The following POMGNT1 variants were observed in gnomAD, a reference collection of about 807,000 sequenced individuals.
POMGNT1 encodes protein O-linked mannose N-acetylglucosaminyltransferase 1 (beta 1,2-).
A neutral mutation model predicts 95.6 loss-of-function variants in POMGNT1; 67 were observed. That is an observed-to-expected ratio of 0.70 (90% CI 0.58 to 0.86). The LOEUF (loss-of-function observed/expected upper bound fraction) is 0.86. Ranked by LOEUF, POMGNT1 falls within the 40% of genes least tolerant of loss-of-function variation. The pLI, the probability that POMGNT1 is intolerant of heterozygous loss-of-function variation, is 0.00. For synonymous variants in POMGNT1, 298 were observed against 317.9 expected, an observed-to-expected ratio of 0.94 and a Z score of 0.66; for missense variants, 719 against 855.2, an observed-to-expected ratio of 0.84 and a Z score of 1.99.
intron 1 of POMGNT1, among the ~76,000 whole-genome samples, chr1:46,206,732 AC>A (rs1029265490): frequency 6.6e-6 from 1 of 152,066 alleles, no homozygotes; most frequent in Non-Finnish European, 1.5e-5. Flanking sequence ...TACAACCCAG[AC>A]CCCTGAATCC....
rs1657938757 is a variant in POMGNT1, at chr1:46,193,295, T to C, written c.1110+10A>G. The C allele has an allele frequency of 6.2e-7, 1 of 1,613,752 alleles. No individual in the cohort carries two copies. The highest frequency in any genetic ancestry group is 8.5e-7 in the Non-Finnish European group (1 of 1,179,916). On this transcript the variant is annotated intron_variant, in intron 12 of 21. Transcript: ENST00000371984. ...GGTGTCTGCCCCATCCCCACTTGCCTATGCAGTACCTGAGACACGCGGGCA... is the reference window on the plus strand; with the variant it reads ...GGTGTCTGCCCCATCCCCACTTGCCCATGCAGTACCTGAGACACGCGGGCA...
At chr1:46,203,435 G>C in intron 1 of POMGNT1, 6 of 1,475,802 alleles carry the variant, frequency 4.1e-6, no homozygotes, top group Non-Finnish European at 5.4e-6. Flanking sequence ...GCATGGAGGG[G>C]ACCGTGGAGT....
rs918601623 is a variant in POMGNT1, at chr1:46,211,760, C to G, written c.-51+7945G>C. 7.9e-5 allele frequency among the ~76,000 whole-genome samples: 12 copies of G among 151,980 alleles called. No individual in the cohort carries two copies. In the East Asian group the frequency reaches 2.3e-3, roughly 29 times the overall value. On this transcript the variant is annotated intron_variant, in intron 1 of 22. Coordinates refer to the POMGNT1 transcript ENST00000371992. Reference sequence around the variant, plus strand: ...TCCAGTGTCTAATTTTCTCAATGTACAAATATATATATATATTTTTTTGAG... The same window carrying G: ...TCCAGTGTCTAATTTTCTCAATGTAGAAATATATATATATATTTTTTTGAG...
chr1:46,218,844 T>G (rs1485283292), intron 1 of POMGNT1, among the ~76,000 whole-genome samples: 7 of 152,088 alleles, frequency 4.6e-5, no homozygotes, highest in Admixed American at 1.3e-4. Context: ...CCCCTCTCGG[T>G]GGCTGCTACC....
chr1:46,190,971 G>A (rs1657719380), intron 17 of POMGNT1, 187 bp from the exon 18 acceptor site: 1 of 624,412 alleles, frequency 1.6e-6, no homozygotes. Flanking sequence ...CTTTAATTTG[G>A]CCTCCACCAT....
chr1:46,218,967 C>G (rs1043755566), intron 1 of POMGNT1, among the ~76,000 whole-genome samples: 1 of 152,134 alleles, frequency 6.6e-6, no homozygotes, highest in Non-Finnish European at 1.5e-5. Flanking sequence ...TTCTTTGTTT[C>G]TATGTCTTTC....
rs1273920738 is a variant in POMGNT1, at chr1:46,193,545, C to T, written c.1026+19G>A. On this transcript the variant is annotated intron_variant, in intron 11 of 21. Transcript: ENST00000371984. ...TCCATGTTGTACTCCACCCGAGGCA[C>T]CCCCCAAGTCCTGCTCACCTCATAG... 1 of 1,614,044 alleles carries T rather than the reference C, an allele frequency of 6.2e-7. No homozygotes were observed. The highest frequency in any genetic ancestry group is 2.2e-5 in the East Asian group (1 of 44,884).
At position 46,193,860 on chromosome 1, in the gene POMGNT1, C is replaced by T. The variant is rs1176232875; in HGVS notation, c.945G>A (p.Leu315=). 6.2e-7 allele frequency: 1 copy of T among 1,614,014 alleles called. No individual in the cohort carries two copies. The highest frequency in any genetic ancestry group is 1.3e-5 in the African/African-American group (1 of 74,940). ...AVIAGNRPNY[L]YRMLRSLLSA... The stretch of plus-strand genomic sequence containing the variant: ...TAGCCCATTCCCAGGCTTACCTGTA[C>T]AGGTAATTGGGTCGGTTCCCTGCAA... The change falls in exon 10 of 22, where the codon CTG becomes CTA. Residue 315 remains leucine (L), a synonymous_variant. Coordinates refer to ENST00000371984, the MANE Select transcript of POMGNT1 (RefSeq NM_017739.4).
In POMGNT1 at chr1:46,196,357, C is replaced by T. The variant is rs1432355834; in HGVS notation, c.355-280G>A. ...TGCTTCATCCTGGAAGTATCACAAT[C>T]CTCCACCACACTGAACCCCTCAAGG... On this transcript the variant is annotated intron_variant, in intron 4 of 21. Transcript: ENST00000371984. The surrounding 1 kb of genome is among the most constrained non-coding windows in gnomAD (Gnocchi z 4.4). Among the ~76,000 whole-genome samples, 1 of 152,192 alleles carries T rather than the reference C, an allele frequency of 6.6e-6. No homozygotes were observed. The highest frequency in any genetic ancestry group is 6.5e-5 in the Admixed American group (1 of 15,280).
upstream of POMGNT1, chr1:46,198,529 G>GCGGCGGCGGCGGTGGCGGCAGCGGCGT (rs1658420640): frequency 6.8e-6 from 1 of 147,564 alleles, no homozygotes; most frequent in Non-Finnish European, 1.4e-5. Context: ...GGCGGCGGCG[G>GCGGCGGCGGCGGTGGCGGCAGCGGCGT]CGGCGGCGGC....
At chr1:46,219,566 A>C in intron 1 of POMGNT1, 3 of 959,884 alleles carry the variant, frequency 3.1e-6, no homozygotes, top group Non-Finnish European at 4.6e-6. Context: ...TGAAGCCTAC[A>C]CTGCAAGCCG....
At chr1:46,212,872 G>T (rs1376348841) in intron 1 of POMGNT1, among the ~76,000 whole-genome samples, 1 of 151,978 alleles carries the variant, frequency 6.6e-6, no homozygotes, top group East Asian at 1.9e-4. Context: ...CCATTCTCTT[G>T]CCTCAGCCTC....
Position 46,192,317 on chromosome 1 carries a change from T to C in POMGNT1, c.1404A>G (p.Thr468=), listed in dbSNP as rs1469098458. The C allele has an allele frequency of 1.2e-6, 2 of 1,614,136 alleles. No individual in the cohort carries two copies. The highest frequency in any genetic ancestry group is 1.7e-6 in the Non-Finnish European group (2 of 1,180,024). The change falls in exon 16 of 22, where the codon ACA becomes ACG. Residue 468 remains threonine (T), a synonymous_variant. Coordinates refer to ENST00000371984, the MANE Select transcript of POMGNT1 (RefSeq NM_017739.4). ...CTACCCTGACAGTTACCTTTTCCGG[T>C]GTAGGCCACTTGGGCTCAAGCTCCT... ...YKEELEPKWP[T]PEKLWDWDMW...
Position 46,196,062 on chromosome 1 carries a change from C to A in POMGNT1, c.370G>T (p.Ala124Ser). ...TGGATGCCCCGGCCCTGCTCCCGGG[C>A]CTCATCCTCCAGCACCTACACAGTG... ...VDGTTVLEDEAREQGRGIHVI... is the reference protein window; with the variant it reads ...VDGTTVLEDESREQGRGIHVI... The change falls in exon 5 of 22, where the codon GCC becomes TCC. Residue 124 changes from alanine (A) to serine (S), a missense_variant. Physicochemically the swap from Ala to Ser is moderately conservative, Grantham distance 99 (BLOSUM62 1). This residue lies in a region of POMGNT1 where 466 missense variants were observed against 517.4 expected (regional missense o/e 0.90). Transcript: ENST00000371984. The surrounding 1 kb of genome is among the most constrained non-coding windows in gnomAD (Gnocchi z 4.4). 4 of 1,614,028 alleles carry A rather than the reference C, an allele frequency of 2.5e-6. No homozygotes were observed. Among genetic ancestry groups the A allele is most frequent in the Non-Finnish European group, 3.4e-6 (4 of 1,180,018 alleles).
rs1163316334 is a variant in POMGNT1 at position 46,194,669 on chromosome 1, T to C, written c.653-18A>G. The stretch of plus-strand genomic sequence containing the variant: ...GACAGGACCTGGCAGGAGGCAGGAA[T>C]GAGGGCCATGGGGGCCCAGACACCA... On this transcript the variant is annotated intron_variant, in intron 7 of 21. Coordinates refer to ENST00000371984, the MANE Select transcript of POMGNT1 (RefSeq NM_017739.4). 1 of 1,614,270 alleles carries C rather than the reference T, an allele frequency of 6.2e-7. No individual in the cohort carries two copies. The highest frequency in any genetic ancestry group is 1.7e-5 in the Admixed American group (1 of 60,032).
chr1:46,217,127 C>T (rs376154363), intron 1 of POMGNT1, among the ~76,000 whole-genome samples: 30 of 152,030 alleles, frequency 2.0e-4, no homozygotes, highest in Admixed American at 1.6e-3. Flanking sequence ...ATCTAAGAAA[C>T]GAGGGATCCA....
intron 9 of POMGNT1, 63 bp downstream of exon 9, chr1:46,194,211 C>T (rs920190543): frequency 1.2e-6 from 2 of 1,613,712 alleles, no homozygotes; most frequent in Non-Finnish European, 8.5e-7. Context: ...CTAGATCATT[C>T]CTGGGGCCCC....
intron 1 of POMGNT1, among the ~76,000 whole-genome samples, chr1:46,209,766 C>T (rs191902911): frequency 1.3e-5 from 2 of 152,044 alleles, no homozygotes; most frequent in African/African-American, 4.8e-5. Context: ...TTGCCTCAGC[C>T]TCCCAAAGTG....
intron 17 of POMGNT1, chr1:46,191,236 TAGTC>T (rs959388625): frequency 1.1e-5 from 3 of 266,662 alleles, no homozygotes; most frequent in East Asian, 1.9e-4. Flanking sequence ...GCTCGCGTAT[TAGTC>T]AGCCTCTGAG....
Sources: allele counts gnomAD v4.1 joint callset (sites outside exome capture counted in the v4.1 genomes callset), GRCh38; gene constraint gnomAD v4.1.1; regional missense constraint gnomAD v4.1.1; non-coding constraint Gnocchi (gnomAD v3.1); transcripts MANE v1.5; gene names NCBI Gene and HGNC (gene_info 2026-07-23, HGNC 2026-07-21).